VWA3B: variants seen among roughly 807,000 people sequenced by gnomAD.
The protein encoded by VWA3B is von Willebrand factor A domain containing 3B, also known as von Willebrand factor A domain-containing protein 3B.
A neutral mutation model predicts 158.3 loss-of-function variants in VWA3B; 138 were observed. That is an observed-to-expected ratio of 0.87 (90% CI 0.76 to 1.00). The LOEUF (loss-of-function observed/expected upper bound fraction) is 1.00, where lower values mean the gene tolerates loss of function less well. Ranked by LOEUF, VWA3B falls within the 50% of genes least tolerant of loss-of-function variation. VWA3B has a pLI of 0.00. For synonymous variants in VWA3B, 596 were observed against 587.3 expected (o/e 1.01, Z -0.21); for missense variants, 1,555 against 1,565.1 (o/e 0.99, Z 0.11).
chr2:98,319,561 C>T, the VWA3B span, among the ~76,000 whole-genome samples: 1 of 152,088 alleles, frequency 6.6e-6, no homozygotes, highest in Non-Finnish European at 1.5e-5. Flanking sequence ...TTTAACTTCA[C>T]TCATGATAAG....
intron 8 of VWA3B, among the ~76,000 whole-genome samples, chr2:98,171,909 G>C (rs1679618027): frequency 6.6e-6 from 1 of 152,192 alleles, no homozygotes; most frequent in Admixed American, 6.5e-5. Flanking sequence ...GATGTGTGAT[G>C]GGGGAGTGGC....
At chr2:98,192,666 C>T (rs1202774470) in intron 10 of VWA3B, among the ~76,000 whole-genome samples, 1 of 152,208 alleles carries the variant, frequency 6.6e-6, no homozygotes, top group Non-Finnish European at 1.5e-5. Context: ...TTCTGTCATA[C>T]TGATTTTCTT....
chr2:98,139,582 T>C (rs1676583487), intron 7 of VWA3B, among the ~76,000 whole-genome samples: 1 of 152,064 alleles, frequency 6.6e-6, no homozygotes, highest in African/African-American at 2.4e-5. Flanking sequence ...ACCCTGTGTC[T>C]AGCTCAGGGT....
chr2:98,225,809 G>A (rs1432959600), intron 14 of VWA3B, among the ~76,000 whole-genome samples: 1 of 151,874 alleles, frequency 6.6e-6, no homozygotes, highest in Admixed American at 6.6e-5. Context: ...GCATGTGGAA[G>A]TGAAAATTAA....
At chr2:98,311,511 C>CTA (rs1419638509) in intron 26 of VWA3B, among the ~76,000 whole-genome samples, 3 of 152,186 alleles carry the variant, frequency 2.0e-5, no homozygotes, top group African/African-American at 7.2e-5. Flanking sequence ...GGACACAGGT[C>CTA]TATGCTGAGG....
At chr2:98,257,867 G>A (rs1027080020) in intron 21 of VWA3B, among the ~76,000 whole-genome samples, 1 of 151,884 alleles carries the variant, frequency 6.6e-6, no homozygotes, top group Non-Finnish European at 1.5e-5. Flanking sequence ...GTTTTAGGAA[G>A]TGAATTCTTC....
chr2:98,138,294 G>T (rs886806035), intron 7 of VWA3B, among the ~76,000 whole-genome samples: 3 of 152,182 alleles, frequency 2.0e-5, no homozygotes, highest in African/African-American at 4.8e-5. Context: ...TAGGCTGCTT[G>T]TTGAGGCATC....
At chr2:98,135,705 T>A (rs528788241) in intron 7 of VWA3B, among the ~76,000 whole-genome samples, 10 of 152,336 alleles carry the variant, frequency 6.6e-5, no homozygotes, top group African/African-American at 2.2e-4. Flanking sequence ...TGATCACATC[T>A]GAATTTGGAG....
In VWA3B at chr2:98,194,783, T is replaced by G. The variant is rs538107861; in HGVS notation, c.1737+291T>G. ...TATGAAAACACATTTCAAAACAGAG[T>G]TTTTTTTTTGTACTCAGACATTCAG... On this transcript the variant is annotated intron_variant, in intron 12 of 27. Transcript: ENST00000477737. 4.1e-4 allele frequency among the ~76,000 whole-genome samples: 61 copies of G among 148,088 alleles called. No homozygotes were observed. The South Asian group carries it at 0.011, about 27-fold the overall frequency.
At chr2:98,175,661 T>A (rs1386584268) in intron 8 of VWA3B, among the ~76,000 whole-genome samples, 1 of 152,164 alleles carries the variant, frequency 6.6e-6, no homozygotes, top group Non-Finnish European at 1.5e-5. Flanking sequence ...TTTGAAGATG[T>A]AAGGGCTGGA....
At position 98,311,808 on chromosome 2, in the gene VWA3B, T is replaced by C; in HGVS notation, c.3522-11T>C. 1 of 1,586,326 alleles carries C rather than the reference T, an allele frequency of 6.3e-7. No homozygotes were observed. The highest frequency in any genetic ancestry group is 8.6e-7 in the Non-Finnish European group (1 of 1,166,636). ...CAAGGCAGGGTAACCCTGATCTCTC[T>C]CTGTCTCTAGAGAGGATGTGGAGGC... On this transcript the variant is annotated splice_polypyrimidine_tract_variant and intron_variant, in intron 26 of 27. Coordinates refer to ENST00000477737, the MANE Select transcript of VWA3B (RefSeq NM_144992.5).
rs187187766 is a variant in VWA3B at position 98,269,691 on chromosome 2, G to A, written c.2844-991G>A. Among the ~76,000 whole-genome samples the A allele has an allele frequency of 3.6e-4, 55 of 152,272 alleles. 1 individual carries two copies. The highest frequency in any genetic ancestry group is 1.3e-3 in the African/African-American group (52 of 41,546). ...CTCTCCTTCATGCAGCTTTTCTTGG[G>A]TTTGTACTTGTCTGAGGTGCCACAA... On this transcript the variant is annotated intron_variant, in intron 21 of 27. Transcript: ENST00000477737.
At chr2:98,179,532 G>C (rs1456706612) in intron 8 of VWA3B, among the ~76,000 whole-genome samples, 3 of 152,240 alleles carry the variant, frequency 2.0e-5, no homozygotes, top group African/African-American at 7.2e-5. Context: ...GTAACAAAGG[G>C]GCTTCAGGGG....
chr2:98,188,569 C>G (rs1215367293), intron 10 of VWA3B, among the ~76,000 whole-genome samples: 2 of 152,132 alleles, frequency 1.3e-5, no homozygotes, highest in African/African-American at 2.4e-5. Flanking sequence ...TTTTAGCTCC[C>G]ACATATGAAT....
rs1681727142 is a variant in VWA3B at position 98,192,992 on chromosome 2, A to G, written c.1561A>G (p.Ser521Gly). 1.2e-6 allele frequency: 2 copies of G among 1,614,078 alleles called. No individual in the cohort carries two copies. Among genetic ancestry groups the G allele is most frequent in the Admixed American group, 1.7e-5 (1 of 60,006 alleles). Residue 521 changes from serine (S) to glycine (G), a missense_variant, in exon 11 of 28, where the codon AGC (serine) becomes GGC (glycine). Ser to Gly is a moderately conservative substitution (Grantham distance 56, BLOSUM62 0). Transcript: ENST00000477737. ...CATTGACACGTCTCACTCAATGAAG[A>G]GCAAACTGGACTTGGTGAAGGACAA... ...ILIDTSHSMKSKLDLVKDKII... is the reference protein window; with the variant it reads ...ILIDTSHSMKGKLDLVKDKII...
intron 8 of VWA3B, among the ~76,000 whole-genome samples, chr2:98,168,847 C>A (rs551140516): frequency 6.6e-6 from 1 of 152,024 alleles, no homozygotes; most frequent in Non-Finnish European, 1.5e-5. Flanking sequence ...AACTGTGGGA[C>A]AATTTCAAGT....
At chr2:98,260,726 T>C (rs905879626) in intron 21 of VWA3B, among the ~76,000 whole-genome samples, 2 of 151,782 alleles carry the variant, frequency 1.3e-5, no homozygotes, top group Admixed American at 1.3e-4. Context: ...TCAGTATGCA[T>C]GTATGTTTCT....
At chr2:98,241,579 A>T (rs1206129663) in intron 19 of VWA3B, among the ~76,000 whole-genome samples, 1 of 151,898 alleles carries the variant, frequency 6.6e-6, no homozygotes, top group Admixed American at 6.6e-5. Context: ...AAAAATGCCA[A>T]GAGTGATTCT....
chr2:98,246,185 A>T (rs1035294193), intron 19 of VWA3B, among the ~76,000 whole-genome samples: 1 of 152,084 alleles, frequency 6.6e-6, no homozygotes, highest in African/African-American at 2.4e-5. Context: ...TTGTCTTGAA[A>T]TCTCAATTTT....
Sources: gnomAD v4.1 joint callset for allele counts (sites outside exome capture counted in the v4.1 genomes callset) on GRCh38, gnomAD v4.1.1 for gene constraint, MANE v1.5 for transcripts, NCBI Gene and HGNC (gene_info 2026-07-23, HGNC 2026-07-21) for gene names.